Variants in LEF1 observed in about 807,000 individuals in gnomAD.
LEF1 encodes the protein lymphoid enhancer binding factor 1, also known as lymphoid enhancer-binding factor 1.
LEF1 carries 14 observed loss-of-function variants against 51.2 expected under a neutral mutation model. The observed-to-expected ratio is 0.27, with a 90% CI of 0.18 to 0.43. The LOEUF (loss-of-function observed/expected upper bound fraction) is 0.43. Ranked by LOEUF, LEF1 falls within the 20% of genes least tolerant of loss-of-function variation. LEF1 has a pLI of 1.00. For missense variants in LEF1, 386 were observed against 512.0 expected (o/e 0.75, Z 2.37); for synonymous variants, 185 against 183.2 (o/e 1.01, Z -0.08).
At chr4:108,166,332 CA>C in intron 1 of LEF1, 2 of 1,524,594 alleles carry the variant, frequency 1.3e-6, no homozygotes, top group Admixed American at 2.1e-5. Context: ...GTTTAAAACC[CA>C]AAATGTCCCC....
At chr4:108,086,252 T>C (rs1739639444) in intron 4 of LEF1, among the ~76,000 whole-genome samples, 1 of 152,186 alleles carries the variant, frequency 6.6e-6, no homozygotes, top group African/African-American at 2.4e-5. Context: ...GTTTATTTTT[T>C]ATTTATTTAA....
chr4:108,122,675 G>A (rs1331634108), intron 3 of LEF1, among the ~76,000 whole-genome samples: 1 of 151,630 alleles, frequency 6.6e-6, no homozygotes, highest in African/African-American at 2.4e-5. Context: ...TTGTAGACAT[G>A]GGGTCCCACT....
chr4:108,126,869 ATGTG>A (rs34301406), intron 3 of LEF1, among the ~76,000 whole-genome samples: 7,616 of 146,328 alleles, frequency 0.052, 631 homozygotes, highest in African/African-American at 0.18. Context: ...ATTTACTGAT[ATGTG>A]TGTGTGTGTG....
At chr4:108,060,457 G>A (rs1737603697) in intron 11 of LEF1, among the ~76,000 whole-genome samples, 1 of 152,066 alleles carries the variant, frequency 6.6e-6, no homozygotes, top group Non-Finnish European at 1.5e-5. Flanking sequence ...GAGGCTTTAG[G>A]TGACCTGCCC....
At chr4:108,101,744 T>A (rs1401810124) in intron 3 of LEF1, among the ~76,000 whole-genome samples, 1 of 152,192 alleles carries the variant, frequency 6.6e-6, no homozygotes, top group East Asian at 1.9e-4. Context: ...AACACTCTAA[T>A]ATTTTGTAGT....
chr4:108,165,010 T>C, intron 2 of LEF1, 87 bp downstream of exon 2: 1 of 1,180,894 alleles, frequency 8.5e-7, no homozygotes, highest in Non-Finnish European at 1.3e-6. Flanking sequence ...CCCAGTTTCT[T>C]GAACTCAAAA....
chr4:108,058,271 C>T (rs894949232), intron 11 of LEF1, among the ~76,000 whole-genome samples: 16 of 152,062 alleles, frequency 1.1e-4, no homozygotes, highest in African/African-American at 3.9e-4. Flanking sequence ...TCTTTTCAAT[C>T]TATATAATTT....
intron 3 of LEF1, among the ~76,000 whole-genome samples, chr4:108,146,180 C>T (rs1458683953): frequency 1.3e-5 from 2 of 152,174 alleles, no homozygotes; most frequent in Non-Finnish European, 2.9e-5. Context: ...TCTTTGTCCA[C>T]GTAGCGACCT....
In LEF1 at chr4:108,099,570, GTATATATATATATATATATATATATATA is replaced by G. The variant is rs551521155; in HGVS notation, c.415-10341_415-10314del. 6.1e-4 allele frequency among the ~76,000 whole-genome samples: 43 copies of G among 70,208 alleles called. 1 individual carries two copies. In the East Asian group the frequency reaches 0.016, roughly 26 times the overall value. The allele number at this position is 70,208 out of a possible 152,430, so 46.1% of individuals were successfully genotyped here. A position where few individuals can be genotyped will look rare whatever the true frequency, so the allele number is the denominator to read the frequency against. On this transcript the variant is annotated intron_variant, in intron 3 of 11. Transcript: ENST00000265165. Reference sequence around the variant, plus strand: ...TGTGTGTGTGTATGTGTGTGTGTGTGTATATATATATATATATATATATATATATATATATATATATATATATAAATAA... The same window carrying G: ...TGTGTGTGTGTATGTGTGTGTGTGTGTATATATATATATATATATAAATAA...
At chr4:108,072,856 C>T (rs1291490) in intron 8 of LEF1, 18,086 of 152,224 alleles carry the variant, frequency 0.12, 1,402 homozygotes, top group Non-Finnish European at 0.17. Flanking sequence ...CAGACCTTCA[C>T]AGGGAGAAAA....
At chr4:108,092,324 A>C (rs558232407) in intron 3 of LEF1, among the ~76,000 whole-genome samples, 51 of 152,348 alleles carry the variant, frequency 3.3e-4, no homozygotes, top group African/African-American at 1.2e-3. Context: ...CAAATAATAA[A>C]AGTAATATGA....
At chr4:108,100,328 T>C (rs1740739853) in intron 3 of LEF1, among the ~76,000 whole-genome samples, 1 of 152,184 alleles carries the variant, frequency 6.6e-6, no homozygotes, top group South Asian at 2.1e-4. Context: ...AAAGACCTTT[T>C]AAAAGACTTT....
At chr4:108,122,944 C>T (rs1560805873) in intron 3 of LEF1, among the ~76,000 whole-genome samples, 1 of 152,200 alleles carries the variant, frequency 6.6e-6, no homozygotes, top group Non-Finnish European at 1.5e-5. Context: ...TGTTGGATAA[C>T]ACTTACGACA....
chr4:108,114,991 C>T (rs1309191135), intron 3 of LEF1, among the ~76,000 whole-genome samples: 1 of 152,176 alleles, frequency 6.6e-6, no homozygotes, highest in Admixed American at 6.5e-5. Context: ...CAGGAGGAGA[C>T]GAGCATCCGA....
intron 3 of LEF1, among the ~76,000 whole-genome samples, chr4:108,093,924 A>G (rs746924102): frequency 1.6e-4 from 24 of 152,234 alleles, no homozygotes; most frequent in Non-Finnish European, 2.9e-4. Flanking sequence ...CTGTGTGCTA[A>G]GCACTTTATC....
At chr4:108,135,244 C>T (rs1446007009) in intron 3 of LEF1, among the ~76,000 whole-genome samples, 3 of 152,178 alleles carry the variant, frequency 2.0e-5, no homozygotes, top group Non-Finnish European at 1.5e-5. Flanking sequence ...CAGACCACTC[C>T]TATCCTGTGG....
chr4:108,085,517 T>C (rs1304258245), intron 4 of LEF1, among the ~76,000 whole-genome samples: 2 of 151,918 alleles, frequency 1.3e-5, no homozygotes, highest in African/African-American at 4.8e-5. Flanking sequence ...TGCAGTCACA[T>C]GTCTTTAAGC....
chr4:108,061,922 TAC>T (rs1253825131), intron 11 of LEF1, among the ~76,000 whole-genome samples: 1 of 152,180 alleles, frequency 6.6e-6, no homozygotes, highest in Non-Finnish European at 1.5e-5. Context: ...ATCATAAAAC[TAC>T]AGTGATGGGA....
intron 3 of LEF1, among the ~76,000 whole-genome samples, chr4:108,104,361 T>C (rs1473807426): frequency 1.3e-5 from 2 of 150,946 alleles, no homozygotes; most frequent in African/African-American, 4.9e-5. Context: ...CAAAAACCAC[T>C]GATTGAAGGC....
Sources: gnomAD v4.1 joint callset for allele counts (sites outside exome capture counted in the v4.1 genomes callset) on GRCh38, gnomAD v4.1.1 for gene constraint, MANE v1.5 for transcripts, NCBI Gene and HGNC (gene_info 2026-07-23, HGNC 2026-07-21) for gene names.